The following MAN1C1 variants were observed in gnomAD, a reference collection of about 807,000 sequenced individuals.
MAN1C1 encodes the protein mannosidase alpha class 1C member 1, also known as mannosyl-oligosaccharide 1,2-alpha-mannosidase IC.
In MAN1C1, 49 loss-of-function variants were observed where a neutral mutation model predicts 71.5. The ratio of observed to expected loss-of-function variants is 0.69; its 90% CI spans 0.54 to 0.87. The LOEUF (loss-of-function observed/expected upper bound fraction) is 0.87. Among genes scored for constraint, MAN1C1 ranks in the 40% least tolerant of loss-of-function variants. MAN1C1 has a pLI of 0.00. For missense variants in MAN1C1, 743 were observed against 835.0 expected, an observed-to-expected ratio of 0.89 and a Z score of 1.36; for synonymous variants, 352 against 343.7, an observed-to-expected ratio of 1.02 and a Z score of -0.27.
rs776629896 is a variant in MAN1C1 at position 25,698,556 on chromosome 1, G to A, written c.637+12020G>A. Among the ~76,000 whole-genome samples, 5 of 152,258 alleles carry A rather than the reference G, an allele frequency of 3.3e-5. No homozygotes were observed. In the East Asian group the frequency reaches 5.8e-4, roughly 18 times the overall value. Reference sequence around the variant, plus strand: ...CTCCCCGGCCAGTGAGGAGACAGACGCATGAATCATACTTCCAGTGAAGAC... The same window carrying A: ...CTCCCCGGCCAGTGAGGAGACAGACACATGAATCATACTTCCAGTGAAGAC... On this transcript the variant is annotated intron_variant, in intron 2 of 11. Coordinates refer to ENST00000374332, the MANE Select transcript of MAN1C1 (RefSeq NM_020379.4).
chr1:25,618,484 C>T lies in MAN1C1; in HGVS notation c.540+147C>T, dbSNP rs74610573. 2.1e-3 allele frequency: 1,548 copies of T among 731,350 alleles called. 15 individuals carry two copies. In the African/African-American group the frequency reaches 0.026, roughly 12 times the overall value. 45.3% of individuals were successfully genotyped at this position (731,350 alleles called of 1,614,324 possible). A position where few individuals can be genotyped will look rare whatever the true frequency, so the allele number is the denominator to read the frequency against. On this transcript the variant is annotated intron_variant, in intron 1 of 11. Coordinates refer to ENST00000374332, the MANE Select transcript of MAN1C1 (RefSeq NM_020379.4). ...CTGCAGACTGCACTTTGCACCTTCC[C>T]CTTTCCTCCCAAATGTCCCACCTTC...
In MAN1C1 at chr1:25,686,550, A is replaced by G; in HGVS notation, c.637+14A>G. The G allele has an allele frequency of 6.2e-7, 1 of 1,612,378 alleles. No individual in the cohort carries two copies. On this transcript the variant is annotated intron_variant, in intron 2 of 11. Coordinates refer to ENST00000374332, the MANE Select transcript of MAN1C1 (RefSeq NM_020379.4). Reference sequence around the variant, plus strand: ...GTAACATGTTCGGTGAGTCGATTCAAACCACTTTGATATTGGGAGGGACCC... The same window carrying G: ...GTAACATGTTCGGTGAGTCGATTCAGACCACTTTGATATTGGGAGGGACCC...
chr1:25,710,681 G>T (rs1481735821), intron 2 of MAN1C1, among the ~76,000 whole-genome samples: 1 of 152,206 alleles, frequency 6.6e-6, no homozygotes, highest in Non-Finnish European at 1.5e-5. Flanking sequence ...AACCTCAGAG[G>T]TAGCAGGATA....
At chr1:25,639,872 T>A (rs956250250) in intron 1 of MAN1C1, among the ~76,000 whole-genome samples, 3 of 152,224 alleles carry the variant, frequency 2.0e-5, no homozygotes, top group African/African-American at 4.8e-5. Context: ...TATTTGTGTA[T>A]TTTTTGCTCA....
chr1:25,696,380 C>G (rs920056847), intron 2 of MAN1C1, among the ~76,000 whole-genome samples: 3 of 151,960 alleles, frequency 2.0e-5, no homozygotes, highest in Non-Finnish European at 4.4e-5. Context: ...CAGCCAGGAT[C>G]GAACCCTGGT....
chr1:25,621,452 T>G (rs901270758), intron 1 of MAN1C1, among the ~76,000 whole-genome samples: 1 of 151,990 alleles, frequency 6.6e-6, no homozygotes, highest in Non-Finnish European at 1.5e-5. Context: ...ATATAGGAAA[T>G]GGGGGATGTC....
chr1:25,783,543 G>A (rs2047725852), intron 11 of MAN1C1, 120 bp from the exon 12 acceptor site: 1 of 1,160,814 alleles, frequency 8.6e-7, no homozygotes, highest in East Asian at 2.4e-5. Context: ...GGGGTTGCAA[G>A]GCTCCAGACC....
intron 1 of MAN1C1, among the ~76,000 whole-genome samples, chr1:25,635,853 C>G (rs1371197215): frequency 1.3e-5 from 2 of 152,170 alleles, no homozygotes; most frequent in Non-Finnish European, 2.9e-5. Flanking sequence ...TTTAGCTCGG[C>G]TACTGGGGGA....
At chr1:25,674,836 A>G (rs1213361380) in intron 1 of MAN1C1, among the ~76,000 whole-genome samples, 1 of 152,160 alleles carries the variant, frequency 6.6e-6, no homozygotes, top group African/African-American at 2.4e-5. Flanking sequence ...GCAGAGCGAT[A>G]TGAATAAATT....
chr1:25,696,034 A>G (rs890667751), intron 2 of MAN1C1, among the ~76,000 whole-genome samples: 1 of 152,286 alleles, frequency 6.6e-6, no homozygotes, highest in East Asian at 1.9e-4. Context: ...GAGAGGAGTG[A>G]GTCAGGGTGT....
intron 1 of MAN1C1, among the ~76,000 whole-genome samples, chr1:25,622,075 C>G (rs2045221551): frequency 6.6e-6 from 1 of 152,190 alleles, no homozygotes; most frequent in Admixed American, 6.5e-5. Flanking sequence ...AAACAAACCA[C>G]AGAAAGGGCT....
At chr1:25,726,601 G>A (rs917517889) in intron 2 of MAN1C1, among the ~76,000 whole-genome samples, 5 of 152,130 alleles carry the variant, frequency 3.3e-5, no homozygotes, top group African/African-American at 1.2e-4. Context: ...CCGCTGGTGT[G>A]GGGAGAGAGC....
At chr1:25,693,954 A>G (rs1458761825) in intron 2 of MAN1C1, among the ~76,000 whole-genome samples, 1 of 152,254 alleles carries the variant, frequency 6.6e-6, no homozygotes, top group Admixed American at 6.5e-5. Context: ...CTGCCCATAT[A>G]CATTCATAAA....
chr1:25,767,970 C>T (rs2047469016), intron 7 of MAN1C1, among the ~76,000 whole-genome samples: 4 of 128,928 alleles, frequency 3.1e-5, no homozygotes, highest in Non-Finnish European at 5.0e-5. Flanking sequence ...CCACACTCCC[C>T]TCACACACAC....
chr1:25,652,942 G>C (rs746998168), intron 1 of MAN1C1, among the ~76,000 whole-genome samples: 5 of 152,062 alleles, frequency 3.3e-5, no homozygotes, highest in Non-Finnish European at 7.4e-5. Context: ...ATTTTTTGTA[G>C]AAATGAGGTC....
intron 1 of MAN1C1, among the ~76,000 whole-genome samples, chr1:25,630,094 A>G (rs540732925): frequency 6.6e-6 from 1 of 152,134 alleles, no homozygotes; most frequent in African/African-American, 2.4e-5. Flanking sequence ...ATCCAGTTTC[A>G]TTCCTCTATG....
chr1:25,705,966 C>A (rs2046516201), intron 2 of MAN1C1, among the ~76,000 whole-genome samples: 1 of 151,990 alleles, frequency 6.6e-6, no homozygotes, highest in Non-Finnish European at 1.5e-5. Context: ...AATAAATAAT[C>A]TATTGAATCT....
rs1012176964 is a variant in MAN1C1 at position 25,730,214 on chromosome 1, C to G, written c.638-16454C>G. Among the ~76,000 whole-genome samples the G allele has an allele frequency of 6.6e-6, 1 of 152,224 alleles. No individual in the cohort carries two copies. The highest frequency in any genetic ancestry group is 3.4e-3 in the Middle Eastern group (1 of 294). On this transcript the variant is annotated intron_variant, in intron 2 of 11. Transcript: ENST00000374332. The surrounding 1 kb of genome is among the most constrained non-coding windows in gnomAD (Gnocchi z 4.3). ...CTCAGATTATGGTCTGTCATAATCC[C>G]CTCCCTGCTTCCCTGTCAGTTTTTG...
chr1:25,641,765 T>C, intron 1 of MAN1C1, among the ~76,000 whole-genome samples: 1 of 152,234 alleles, frequency 6.6e-6, no homozygotes, highest in East Asian at 1.9e-4. Flanking sequence ...TCTGTATTTA[T>C]TAAGACCTGC....
Sources: allele counts gnomAD v4.1 joint callset (sites outside exome capture counted in the v4.1 genomes callset), GRCh38; gene constraint gnomAD v4.1.1; non-coding constraint Gnocchi (gnomAD v3.1); transcripts MANE v1.5; gene names NCBI Gene and HGNC (gene_info 2026-07-23, HGNC 2026-07-21).